XPO6: variants seen among roughly 807,000 people sequenced by gnomAD.
XPO6 encodes exportin-6.
A neutral mutation model predicts 130.0 loss-of-function variants in XPO6; 3 were observed. That is an observed-to-expected ratio of 0.02 (90% CI 0.01 to 0.06). The LOEUF is 0.06. Among genes scored for constraint, XPO6 ranks in the 10% least tolerant of loss-of-function variants. The probability of loss-of-function intolerance (pLI) is 1.00; values close to 1 mark genes in which losing one functional copy is unlikely to be tolerated. For synonymous variants in XPO6, 524 were observed against 548.9 expected (o/e 0.95, Z 0.63); for missense variants, 970 against 1,393.0 (o/e 0.70, Z 4.83).
intron 1 of XPO6, among the ~76,000 whole-genome samples, chr16:28,199,709 G>A (rs1345038751): frequency 6.6e-6 from 1 of 152,016 alleles, no homozygotes; most frequent in African/African-American, 2.4e-5. Flanking sequence ...TGGGATTACA[G>A]GCACCCACCA....
Position 28,107,666 on chromosome 16 carries a change from T to A in XPO6, c.2353A>T (p.Ile785Phe). The A allele has an allele frequency of 6.2e-7, 1 of 1,613,630 alleles. No individual in the cohort carries two copies. The highest frequency in any genetic ancestry group is 8.5e-7 in the Non-Finnish European group (1 of 1,179,920). The change falls in exon 18 of 24, where the codon ATC becomes TTC. Residue 785 changes from isoleucine to phenylalanine, a missense_variant. Ile to Phe is a conservative substitution (Grantham distance 21). Transcript: ENST00000304658. Reference protein sequence around the residue: ...KMPLDDTKLIIHQTLSVLEDI... With the variant: ...KMPLDDTKLIFHQTLSVLEDI... The stretch of plus-strand genomic sequence containing the variant: ...TCTAAGACGCTGAGTGTCTGGTGGA[T>A]AATCAGTTTGGCTGCAAATCAAGAT...
chr16:28,112,769 C>T, intron 16 of XPO6, 135 bp downstream of exon 16: 1 of 1,174,904 alleles, frequency 8.5e-7, no homozygotes, highest in Middle Eastern at 3.0e-4. Flanking sequence ...CAGTGCCACA[C>T]AATAAGAAAT....
At chr16:28,134,501 C>A (rs2042738533) in intron 10 of XPO6, among the ~76,000 whole-genome samples, 1 of 152,230 alleles carries the variant, frequency 6.6e-6, no homozygotes, top group South Asian at 2.1e-4. Flanking sequence ...AGAAATGCCA[C>A]ACCCAGCCCT....
In XPO6 at chr16:28,152,718, A is replaced by C; in HGVS notation, c.1165T>G (p.Tyr389Asp). 1 of 1,613,638 alleles carries C rather than the reference A, an allele frequency of 6.2e-7. No individual in the cohort carries two copies. The highest frequency in any genetic ancestry group is 1.7e-5 in the Admixed American group (1 of 59,978). ...AACTCCACCACAGGGAACTGGGAGT[A>C]AGACTCGATTCTTCTTAGGTGAACA... The part of the protein sequence containing the change: ...VSVHLRRIES[Y>D]SQFPVVEFLT... Residue 389 changes from tyrosine (Y) to aspartate (D), a missense_variant, in exon 8 of 24, where the codon TAC becomes GAC. Physicochemically the swap from Tyr to Asp is radical, Grantham distance 160. Transcript: ENST00000304658.
intron 20 of XPO6, among the ~76,000 whole-genome samples, chr16:28,105,434 C>G (rs569386866): frequency 5.9e-5 from 9 of 152,160 alleles, no homozygotes; most frequent in African/African-American, 1.7e-4. Flanking sequence ...AAATAGACAC[C>G]AGGGGCCACA....
chr16:28,211,705 C>A lies in XPO6; in HGVS notation c.-337G>T, dbSNP rs2044136726. 5.2e-6 allele frequency: 2 copies of A among 386,254 alleles called. No homozygotes were observed. Among genetic ancestry groups the A allele is most frequent in the Non-Finnish European group, 9.1e-6 (2 of 218,620 alleles). The allele number at this position is 386,254 out of a possible 1,614,324, so 23.9% of individuals were successfully genotyped here. On this transcript the variant is annotated 5_prime_UTR_variant, in exon 1 of 24. Transcript: ENST00000304658. ...CCGCGGGGGAGGCTGCGGGCCCAGG[C>A]AGGGGCTCCCCGGCCTCCGCGGGCA...
intron 3 of XPO6, among the ~76,000 whole-genome samples, chr16:28,176,664 ATTT>A (rs34096451): frequency 7.4e-6 from 1 of 134,658 alleles, no homozygotes; most frequent in Non-Finnish European, 1.6e-5. Context: ...CGCCCGGCTA[ATTT>A]TTTTTTTTTT....
chr16:28,109,077 G>A (rs976669072), intron 17 of XPO6, among the ~76,000 whole-genome samples: 1 of 152,136 alleles, frequency 6.6e-6, no homozygotes, highest in Non-Finnish European at 1.5e-5. Context: ...GAACGCACAG[G>A]CAACAGGGGA....
chr16:28,142,088 A>G (rs992146054), intron 9 of XPO6, among the ~76,000 whole-genome samples: 6 of 152,248 alleles, frequency 3.9e-5, no homozygotes, highest in African/African-American at 1.4e-4. Context: ...ACAGGAAATG[A>G]GTGCTGCCTT....
rs751233234 is a variant in XPO6, at chr16:28,152,760, G to C, written c.1123C>G (p.Leu375Val). The change falls in exon 8 of 24, where the codon CTT becomes GTT. Residue 375 changes from leucine (L) to valine (V), a missense_variant. Coordinates refer to ENST00000304658, the MANE Select transcript of XPO6 (RefSeq NM_015171.4). The part of the protein sequence containing the change: ...ESYIEKFTDF[L>V]RLFVSVHLRR... Reference sequence around the variant, plus strand: ...AGGTGAACACTCACAAAGAGCCGAAGAAAGTCAGTAAACTTCTCGATATAG... The same window carrying C: ...AGGTGAACACTCACAAAGAGCCGAACAAAGTCAGTAAACTTCTCGATATAG... 1 of 1,613,232 alleles carries C rather than the reference G, an allele frequency of 6.2e-7. No homozygotes were observed. The highest frequency in any genetic ancestry group is 2.2e-5 in the East Asian group (1 of 44,848).
chr16:28,141,659 C>T (rs1397848082), intron 9 of XPO6, among the ~76,000 whole-genome samples: 1 of 152,216 alleles, frequency 6.6e-6, no homozygotes, highest in Non-Finnish European at 1.5e-5. Context: ...CTCAGGCTCT[C>T]TCAAGTCCCC....
intron 11 of XPO6, among the ~76,000 whole-genome samples, chr16:28,133,587 T>A (rs1165554022): frequency 6.6e-6 from 1 of 152,246 alleles, no homozygotes; most frequent in Non-Finnish European, 1.5e-5. Context: ...TGCAAGCTAC[T>A]GATAAAGGTA....
intron 21 of XPO6, 116 bp from the exon 22 acceptor site, chr16:28,102,061 G>GC (rs1237091723): frequency 2.5e-6 from 2 of 792,816 alleles, no homozygotes; most frequent in Non-Finnish European, 4.0e-6. Context: ...GATGCTTCTG[G>GC]CCCACCAGCT....
chr16:28,120,810 C>T (rs141247122), intron 14 of XPO6, among the ~76,000 whole-genome samples: 5 of 152,272 alleles, frequency 3.3e-5, no homozygotes, highest in Admixed American at 1.3e-4. Flanking sequence ...TGTAAAAACC[C>T]GAGTGTATAT....
chr16:28,145,300 C>T (rs2042964151), intron 9 of XPO6, among the ~76,000 whole-genome samples: 1 of 152,120 alleles, frequency 6.6e-6, no homozygotes, highest in Non-Finnish European at 1.5e-5. Context: ...ATTTACTTTC[C>T]CCATATATGG....
At chr16:28,171,452 CA>C (rs36000498) in intron 4 of XPO6, among the ~76,000 whole-genome samples, 32,894 of 99,090 alleles carry the variant, frequency 0.33, 3,701 homozygotes, top group African/African-American at 0.45. Flanking sequence ...GACTCTGTCT[CA>C]AAAAAAAAAA....
At chr16:28,108,302 A>G (rs1049382045) in intron 17 of XPO6, among the ~76,000 whole-genome samples, 2 of 152,196 alleles carry the variant, frequency 1.3e-5, no homozygotes, top group African/African-American at 2.4e-5. Flanking sequence ...TAACCCTGAG[A>G]TGACTTTTGA....
chr16:28,163,506 C>T (rs2141839660), intron 6 of XPO6, among the ~76,000 whole-genome samples: 1 of 152,276 alleles, frequency 6.6e-6, no homozygotes, highest in East Asian at 1.9e-4. Context: ...ACTTTTTTCC[C>T]CAATGGTCCA....
At chr16:28,165,088 A>G (rs556829219) in intron 6 of XPO6, among the ~76,000 whole-genome samples, 6 of 152,296 alleles carry the variant, frequency 3.9e-5, no homozygotes, top group African/African-American at 1.4e-4. Context: ...ATGTTGGTGC[A>G]CATCTATGGT....
Sources: gnomAD v4.1 joint callset for allele counts (sites outside exome capture counted in the v4.1 genomes callset) on GRCh38, gnomAD v4.1.1 for gene constraint, MANE v1.5 for transcripts, NCBI Gene and HGNC (gene_info 2026-07-23, HGNC 2026-07-21) for gene names.